USP13: variants seen among roughly 807,000 people sequenced by gnomAD.
USP13 encodes the protein ubiquitin carboxyl-terminal hydrolase 13.
A neutral mutation model predicts 107.8 loss-of-function variants in USP13; 68 were observed. The ratio of observed to expected loss-of-function variants is 0.63; its 90% CI spans 0.52 to 0.77. USP13 has a LOEUF of 0.77. Ranked by LOEUF, USP13 falls within the 30% of genes least tolerant of loss-of-function variation. USP13 has a pLI of 0.00. For synonymous variants in USP13, 377 were observed against 389.5 expected, an observed-to-expected ratio of 0.97 and a Z score of 0.38; for missense variants, 945 against 1,093.3, an observed-to-expected ratio of 0.86 and a Z score of 1.91.
At chr3:179,706,878 C>A in intron 4 of USP13, 56 bp from the exon 5 acceptor site, 1 of 1,541,182 alleles carries the variant, frequency 6.5e-7, no homozygotes, top group East Asian at 2.3e-5. Flanking sequence ...TATTCACTAG[C>A]AAATCGTTAT....
intron 8 of USP13, among the ~76,000 whole-genome samples, chr3:179,728,852 C>T (rs999027043): frequency 3.9e-5 from 6 of 152,040 alleles, no homozygotes; most frequent in East Asian, 1.9e-4. Flanking sequence ...CGTGGCGGCG[C>T]GCGCCTACAA....
intron 6 of USP13, among the ~76,000 whole-genome samples, chr3:179,716,154 C>A (rs1713106841): frequency 6.6e-6 from 1 of 152,000 alleles, no homozygotes; most frequent in Non-Finnish European, 1.5e-5. Context: ...GAACTCCCGA[C>A]CTCAGGTGAT....
chr3:179,679,794 G>GTT (rs57620088), intron 1 of USP13, among the ~76,000 whole-genome samples: 17 of 97,448 alleles, frequency 1.7e-4, no homozygotes, highest in South Asian at 3.4e-4. Context: ...CCTATCCTTA[G>GTT]TTTTTTTTTT....
At chr3:179,709,624 T>C (rs979266667) in intron 6 of USP13, among the ~76,000 whole-genome samples, 9 of 152,174 alleles carry the variant, frequency 5.9e-5, no homozygotes, top group Non-Finnish European at 8.8e-5. Context: ...CCTTCTACCA[T>C]TTTGCGAGGG....
At chr3:179,743,531 T>G (rs1488858688) in intron 12 of USP13, among the ~76,000 whole-genome samples, 1 of 152,130 alleles carries the variant, frequency 6.6e-6, no homozygotes, top group East Asian at 1.9e-4. Flanking sequence ...ACGATTTTCA[T>G]TTTCTATATG....
In USP13 at chr3:179,701,107, A is replaced by T. The variant is rs1195332806; in HGVS notation, c.455A>T (p.Asn152Ile). Residue 152 changes from asparagine (N) to isoleucine (I), a missense_variant, in exon 4 of 21, where the codon AAT becomes ATT. Asn to Ile is a moderately radical substitution (Grantham distance 149). Transcript: ENST00000263966. ...GATCACTATGAAATAGCACTACCAA[A>T]TATTGAGGAGTTACCAGCCCTGGTC... is the stretch of plus-strand genomic sequence containing the variant. ...FPDHYEIALP[N>I]IEELPALVTI... 1 of 1,594,018 alleles carries T rather than the reference A, an allele frequency of 6.3e-7. No individual in the cohort carries two copies. The highest frequency in any genetic ancestry group is 1.7e-5 in the Admixed American group (1 of 59,178).
intron 6 of USP13, among the ~76,000 whole-genome samples, chr3:179,712,391 C>T (rs1238415756): frequency 6.6e-6 from 1 of 151,988 alleles, no homozygotes; most frequent in Admixed American, 6.6e-5. Flanking sequence ...AGTAATACCA[C>T]CCTGTAGACT....
chr3:179,696,854 C>T (rs556329258), intron 3 of USP13, among the ~76,000 whole-genome samples: 1 of 152,136 alleles, frequency 6.6e-6, no homozygotes, highest in Non-Finnish European at 1.5e-5. Context: ...CAAGAAATAC[C>T]CTATGGCTCA....
At chr3:179,776,796 T>G (rs1482405599) in intron 19 of USP13, among the ~76,000 whole-genome samples, 1 of 151,982 alleles carries the variant, frequency 6.6e-6, no homozygotes, top group Non-Finnish European at 1.5e-5. Flanking sequence ...AATTTTGACT[T>G]TCATCAGAAA....
rs139368221 is a variant in USP13, at chr3:179,696,132, G to A, written c.356-4876G>A. 4.3e-3 allele frequency among the ~76,000 whole-genome samples: 659 copies of A among 152,252 alleles called. 6 individuals carry two copies. The highest frequency in any genetic ancestry group is 0.015 in the African/African-American group (622 of 41,532). On this transcript the variant is annotated intron_variant, in intron 3 of 20. Transcript: ENST00000263966. ...TGAAATAGGAAATAAGGGTGGCAGT[G>A]GCTGATCCGATTCAGGGAAGTTGTG...
chr3:179,753,228 T>C (rs1340652418), intron 14 of USP13, among the ~76,000 whole-genome samples: 1 of 152,242 alleles, frequency 6.6e-6, no homozygotes, highest in African/African-American at 2.4e-5. Context: ...AAAAAGGATG[T>C]AGAATCGGCT....
chr3:179,767,640 C>T (rs1441435867), intron 19 of USP13, among the ~76,000 whole-genome samples: 2 of 152,122 alleles, frequency 1.3e-5, no homozygotes, highest in Admixed American at 1.3e-4. Flanking sequence ...AATAAAATTA[C>T]TTCTGTAGGT....
intron 2 of USP13, 139 bp downstream of exon 2, chr3:179,682,142 C>T (rs533491925): frequency 2.7e-6 from 3 of 1,108,482 alleles, no homozygotes; most frequent in Non-Finnish European, 3.7e-6. Context: ...AACAGCACTG[C>T]TTGCAAAATC....
chr3:179,658,113 C>G (rs1720336499), intron 1 of USP13, among the ~76,000 whole-genome samples: 3 of 152,090 alleles, frequency 2.0e-5, no homozygotes, highest in Admixed American at 2.0e-4. Context: ...CACCACCACG[C>G]CTGGCTAATT....
intron 10 of USP13, among the ~76,000 whole-genome samples, chr3:179,736,453 A>G (rs1365497889): frequency 6.6e-6 from 1 of 152,214 alleles, no homozygotes; most frequent in Non-Finnish European, 1.5e-5. Flanking sequence ...GGACCAGGTG[A>G]TGATCAAGGC....
chr3:179,745,067 C>G lies in USP13; in HGVS notation c.1559C>G (p.Thr520Arg), dbSNP rs754542205. The change falls in exon 13 of 21, where the codon ACG becomes AGG. Residue 520 changes from threonine (T) to arginine (R), a missense_variant. Coordinates refer to ENST00000263966, the MANE Select transcript of USP13 (RefSeq NM_003940.3). ...GATGAACTGATCGCTTATGAACTAACGAGAAGGGAAGCAGAAGCAAACAGA... is the reference window on the plus strand; with the variant it reads ...GATGAACTGATCGCTTATGAACTAAGGAGAAGGGAAGCAGAAGCAAACAGA... ...NKDELIAYEL[T>R]RREAEANRRP... 65 of 1,613,984 alleles carry G rather than the reference C, an allele frequency of 4.0e-5. No homozygotes were observed. The highest frequency in any genetic ancestry group is 5.4e-5 in the Non-Finnish European group (64 of 1,180,028).
At position 179,784,216 on chromosome 3, in the gene USP13, A is replaced by G. The variant is rs1371182869; in HGVS notation, c.*75A>G. 1 of 1,218,098 alleles carries G rather than the reference A, an allele frequency of 8.2e-7. No individual in the cohort carries two copies. The highest frequency in any genetic ancestry group is 2.3e-5 in the East Asian group (1 of 43,022). The allele number at this position is 1,218,098 out of a possible 1,614,324, so 75.5% of individuals were successfully genotyped here. A position where few individuals can be genotyped will look rare whatever the true frequency, so the allele number is the denominator to read the frequency against. On this transcript the variant is annotated 3_prime_UTR_variant, in exon 21 of 21. Transcript: ENST00000263966. ...GCCAAAAAAAAAAAGAAGAAGAAGA[A>G]GTTGAAACAACTAGACATGAAGGAA...
intron 1 of USP13, among the ~76,000 whole-genome samples, chr3:179,657,230 G>A (rs979769793): frequency 4.6e-5 from 7 of 152,182 alleles, no homozygotes; most frequent in African/African-American, 1.7e-4. Context: ...TAAAAAAGGA[G>A]GAAAGGCCGG....
chr3:179,781,246 T>C (rs1311925154), intron 19 of USP13, among the ~76,000 whole-genome samples: 1 of 152,200 alleles, frequency 6.6e-6, no homozygotes, highest in East Asian at 1.9e-4. Context: ...ATGATAACAG[T>C]TATCTGCTCT....
Sources: allele counts gnomAD v4.1 joint callset (sites outside exome capture counted in the v4.1 genomes callset), GRCh38; gene constraint gnomAD v4.1.1; transcripts MANE v1.5; gene names NCBI Gene and HGNC (gene_info 2026-07-23, HGNC 2026-07-21).